The following UBA6 variants were observed in gnomAD, a reference collection of about 807,000 sequenced individuals.
The protein encoded by UBA6 is ubiquitin-like modifier-activating enzyme 6.
In UBA6, 87 loss-of-function variants were observed where a neutral mutation model predicts 148.3. The observed-to-expected ratio is 0.59, with a 90% confidence interval of 0.49 to 0.70. The LOEUF is 0.70. UBA6 is among the 30% of genes least tolerant of loss of function. UBA6 has a pLI of 0.00. For synonymous variants in UBA6, 376 were observed against 401.0 expected (o/e 0.94, Z 0.75); for missense variants, 1,186 against 1,241.2 (o/e 0.96, Z 0.67).
rs768072288 is a variant in UBA6, at chr4:67,622,830, C to T, written c.3023+1G>A. 1.2e-6 allele frequency: 2 copies of T among 1,603,718 alleles called. No homozygotes were observed. Among genetic ancestry groups the T allele is most frequent in the Non-Finnish European group, 1.7e-6 (2 of 1,174,904 alleles). ...CGCTGCATATAATGTTGAATACTTA[C>T]GTTAACTTCAATCTTTTTGCATGAC... On this transcript the variant is annotated splice_donor_variant, in intron 32 of 32. Transcript: ENST00000322244. LOFTEE classifies it high-confidence loss of function.
At chr4:67,689,268 TTAA>T (rs1424271711) in intron 2 of UBA6, among the ~76,000 whole-genome samples, 2 of 152,156 alleles carry the variant, frequency 1.3e-5, no homozygotes, top group Admixed American at 6.5e-5. Context: ...CATTTTCAAC[TTAA>T]TAATATTTTC....
chr4:67,698,516 A>G (rs1730893769), intron 1 of UBA6, among the ~76,000 whole-genome samples: 2 of 152,218 alleles, frequency 1.3e-5, no homozygotes, highest in African/African-American at 4.8e-5. Context: ...TGGAAAAAAG[A>G]GGCTGAGGGA....
intron 13 of UBA6, among the ~76,000 whole-genome samples, chr4:67,650,723 G>C (rs1191927314): frequency 1.3e-5 from 2 of 152,062 alleles, no homozygotes; most frequent in Non-Finnish European, 2.9e-5. Context: ...AGAGTGAAAG[G>C]CCTTATGGTA....
chr4:67,675,676 A>G (rs1329929118), intron 6 of UBA6, among the ~76,000 whole-genome samples: 1 of 152,120 alleles, frequency 6.6e-6, no homozygotes, highest in African/African-American at 2.4e-5. Context: ...GGTTGCAGTG[A>G]GCCCAGACTA....
In UBA6 at chr4:67,619,247, T is replaced by C. The variant is rs895932703; in HGVS notation, c.3024-115A>G. On this transcript the variant is annotated intron_variant, in intron 32 of 32. Coordinates refer to ENST00000322244, the MANE Select transcript of UBA6 (RefSeq NM_018227.6). ...CTTGTATCTAGACTTTAACATCTAA[T>C]AATAATCTGCTTTCACATATTCATT... 7 of 718,936 alleles carry C rather than the reference T, an allele frequency of 9.7e-6. 1 individual carries two copies. In the African/African-American group the frequency reaches 1.2e-4, roughly 13 times the overall value. 44.5% of individuals were successfully genotyped at this position (718,936 alleles called of 1,614,324 possible). A position where few individuals can be genotyped will look rare whatever the true frequency, so the allele number is the denominator to read the frequency against.
At chr4:67,690,979 G>A (rs1485803222) in intron 2 of UBA6, among the ~76,000 whole-genome samples, 2 of 152,118 alleles carry the variant, frequency 1.3e-5, no homozygotes, top group African/African-American at 2.4e-5. Flanking sequence ...ACAAGATCTT[G>A]AAGAAATATT....
In UBA6 at chr4:67,665,262, T is replaced by C; in HGVS notation, c.824A>G (p.Asp275Gly). Residue 275 changes from aspartate (D) to glycine (G), a missense_variant, in exon 10 of 33, where the codon GAC (aspartate) becomes GGC (glycine). Physicochemically the swap from Asp to Gly is moderately conservative, Grantham distance 94 (BLOSUM62 -1). Transcript: ENST00000322244. ...TAAATATGGTTCCAGTTCTGTGGTG[T>C]CACCAATACTAAAAGAAAATGGCGA... ...VISPFSFSIG[D>G]TTELEPYLHG... 1.2e-6 allele frequency: 2 copies of C among 1,604,598 alleles called. No individual in the cohort carries two copies. The highest frequency in any genetic ancestry group is 1.7e-6 in the Non-Finnish European group (2 of 1,177,256).
At chr4:67,694,417 A>G (rs561166834) in intron 2 of UBA6, among the ~76,000 whole-genome samples, 2 of 142,194 alleles carry the variant, frequency 1.4e-5, no homozygotes, top group Admixed American at 1.4e-4. Flanking sequence ...CTTGACATGG[A>G]GTTTTGCTCT....
At chr4:67,687,428 A>G (rs1730599842) in intron 2 of UBA6, among the ~76,000 whole-genome samples, 1 of 152,214 alleles carries the variant, frequency 6.6e-6, no homozygotes, top group Non-Finnish European at 1.5e-5. Context: ...AGTTCATATA[A>G]AAGTCAGGAT....
rs184626422 is a variant in UBA6 at position 67,623,014 on chromosome 4, G to A, written c.2929-89C>T. Reference sequence around the variant, plus strand: ...ACATTGTTCGTAAACAATGTTTTATGACCAGTAAAAAAAGCAAATTCATGG... The same window carrying A: ...ACATTGTTCGTAAACAATGTTTTATAACCAGTAAAAAAAGCAAATTCATGG... On this transcript the variant is annotated intron_variant, in intron 31 of 32. Coordinates refer to ENST00000322244, the MANE Select transcript of UBA6 (RefSeq NM_018227.6). The A allele has an allele frequency of 5.0e-5, 68 of 1,357,848 alleles. No individual in the cohort carries two copies. The African/African-American group carries it at 8.8e-4, about 18-fold the overall frequency. The allele number at this position is 1,357,848 out of a possible 1,614,324, so 84.1% of individuals were successfully genotyped here.
intron 27 of UBA6, among the ~76,000 whole-genome samples, chr4:67,627,936 GCT>G (rs1728907931): frequency 8.2e-6 from 1 of 121,558 alleles, no homozygotes; most frequent in Non-Finnish European, 1.8e-5. Context: ...ACTCCCTATT[GCT>G]TTTTTTTTTT....
intron 9 of UBA6, among the ~76,000 whole-genome samples, chr4:67,667,483 G>T (rs1303192963): frequency 6.6e-6 from 1 of 151,818 alleles, no homozygotes; most frequent in Non-Finnish European, 1.5e-5. Flanking sequence ...TTTGTAATAA[G>T]AATTGATTTT....
At chr4:67,641,253 A>G in intron 17 of UBA6, 25 bp from the exon 18 acceptor site, 1 of 1,305,482 alleles carries the variant, frequency 7.7e-7, no homozygotes, top group Non-Finnish European at 1.1e-6. Context: ...ATATGGCTGA[A>G]ATTACATAAT....
chr4:67,626,772 C>T (rs1286274633), intron 27 of UBA6, among the ~76,000 whole-genome samples: 2 of 151,840 alleles, frequency 1.3e-5, no homozygotes, highest in African/African-American at 4.8e-5. Context: ...TTTTAATACC[C>T]ACAATGATAC....
intron 32 of UBA6, among the ~76,000 whole-genome samples, chr4:67,622,256 G>A (rs1466188166): frequency 3.2e-4 from 49 of 152,192 alleles, no homozygotes; most frequent in Admixed American, 3.2e-3. Context: ...CTTAACAGGT[G>A]AGACTATGAT....
At chr4:67,680,433 C>T (rs1460423209) in intron 4 of UBA6, among the ~76,000 whole-genome samples, 1 of 152,064 alleles carries the variant, frequency 6.6e-6, no homozygotes, top group Non-Finnish European at 1.5e-5. Flanking sequence ...TGTAGAAATA[C>T]CTGTGACAAA....
chr4:67,657,414 C>T (rs1048476321), intron 13 of UBA6, among the ~76,000 whole-genome samples: 1 of 152,056 alleles, frequency 6.6e-6, no homozygotes, highest in Non-Finnish European at 1.5e-5. Flanking sequence ...AGAAACCTGA[C>T]AAAAACAAGA....
In UBA6 at chr4:67,634,253, CT is replaced by C. The variant is rs1163530646; in HGVS notation, c.2001del (p.Glu668LysfsTer12). 1.3e-6 allele frequency: 2 copies of C among 1,588,596 alleles called. No homozygotes were observed. Among genetic ancestry groups the C allele is most frequent in the Admixed American group, 1.9e-5 (1 of 53,216 alleles). ...NKFWQTYSSA[E>X]EVLQKIQSGH... ...TTACTGATTTTTACCTGTAAGACTT[CT>C]TCTGCAGATGAATAGGTTTGCCAAA... On this transcript the variant is annotated frameshift_variant, in exon 22 of 33. Transcript: ENST00000322244. LOFTEE classifies it high-confidence loss of function.
rs909244067 is a variant in UBA6 at position 67,664,436 on chromosome 4, AT to A, written c.898-490del. Among the ~76,000 whole-genome samples the A allele has an allele frequency of 1.1e-3, 170 of 149,312 alleles. 1 individual carries two copies. Among genetic ancestry groups the A allele is most frequent in the African/African-American group, 3.8e-3 (157 of 40,930 alleles). Reference sequence around the variant, plus strand: ...ACATCTGACTAGATATAGTATTTTAATTTTTTTTTTTAATTCTAACTTTGGG... The same window carrying A: ...ACATCTGACTAGATATAGTATTTTAATTTTTTTTTTAATTCTAACTTTGGG... On this transcript the variant is annotated intron_variant, in intron 10 of 32. Coordinates refer to ENST00000322244, the MANE Select transcript of UBA6 (RefSeq NM_018227.6).
Sources: gnomAD v4.1 joint callset for allele counts (sites outside exome capture counted in the v4.1 genomes callset) on GRCh38, gnomAD v4.1.1 for gene constraint, MANE v1.5 for transcripts, NCBI Gene and HGNC (gene_info 2026-07-23, HGNC 2026-07-21) for gene names.